The following USP28 variants were observed in gnomAD, a reference collection of about 807,000 sequenced individuals.
The protein encoded by USP28 is ubiquitin carboxyl-terminal hydrolase 28.
USP28 carries 113 observed loss-of-function variants against 145.0 expected under a neutral mutation model. The ratio of observed to expected loss-of-function variants is 0.78; its 90% CI spans 0.67 to 0.91. USP28 has a LOEUF of 0.91. Among genes scored for constraint, USP28 ranks in the 40% least tolerant of loss-of-function variants. USP28 has a pLI of 0.00. For synonymous variants in USP28, 447 were observed against 450.9 expected (o/e 0.99, Z 0.11); for missense variants, 1,201 against 1,289.6 (o/e 0.93, Z 1.05).
chr11:113,857,351 A>T (rs1947169690), intron 1 of USP28, among the ~76,000 whole-genome samples: 1 of 152,170 alleles, frequency 6.6e-6, no homozygotes, highest in African/African-American at 2.4e-5. Flanking sequence ...TGAAACTGTA[A>T]ACATTCCTCC....
At chr11:113,836,716 T>C (rs574028218) in intron 5 of USP28, among the ~76,000 whole-genome samples, 1 of 152,274 alleles carries the variant, frequency 6.6e-6, no homozygotes, top group South Asian at 2.1e-4. Flanking sequence ...CATGGGTCTC[T>C]CCCTGTGCAT....
chr11:113,874,424 A>G (rs544764646), intron 1 of USP28: 448 of 148,602 alleles, frequency 3.0e-3, no homozygotes, highest in East Asian at 7.5e-3. Flanking sequence ...GACTCTGTCG[A>G]AAAAAAAAAA....
At chr11:113,861,123 CAAA>C (rs1166313897) in intron 1 of USP28, among the ~76,000 whole-genome samples, 4 of 88,206 alleles carry the variant, frequency 4.5e-5, no homozygotes, top group Admixed American at 2.6e-4. Context: ...GACTACACCT[CAAA>C]AAAAAAAAAA....
At chr11:113,844,800 T>C (rs1278696270) in intron 3 of USP28, among the ~76,000 whole-genome samples, 4 of 151,980 alleles carry the variant, frequency 2.6e-5, no homozygotes, top group African/African-American at 9.7e-5. Context: ...GCACTGTTGG[T>C]GGGATTTTAA....
chr11:113,852,660 T>C, intron 2 of USP28, 27 bp from the exon 3 acceptor site: 4 of 1,610,442 alleles, frequency 2.5e-6, no homozygotes, highest in African/African-American at 2.7e-5. Flanking sequence ...CAATAGAAAT[T>C]TCAAAAGTAA....
chr11:113,808,726 CA>C (rs1468608448), intron 17 of USP28, among the ~76,000 whole-genome samples: 2 of 152,318 alleles, frequency 1.3e-5, no homozygotes, highest in African/African-American at 4.8e-5. Flanking sequence ...TTTCTACAAA[CA>C]AGCATCTTTT....
At chr11:113,804,217 T>G (rs1939545775) in intron 21 of USP28, among the ~76,000 whole-genome samples, 1 of 152,200 alleles carries the variant, frequency 6.6e-6, no homozygotes, top group Admixed American at 6.5e-5. Context: ...ATCCAGATAT[T>G]GAAAATATGG....
chr11:113,826,128 C>G (rs886801968), intron 11 of USP28, among the ~76,000 whole-genome samples: 1 of 151,416 alleles, frequency 6.6e-6, no homozygotes, highest in Non-Finnish European at 1.5e-5. Flanking sequence ...ACTAAAAATA[C>G]TAAAATTAGC....
At chr11:113,875,520 C>T in exon 1 of USP28, 1 of 1,154,506 alleles carries the variant, frequency 8.7e-7, no homozygotes, top group Non-Finnish European at 1.1e-6. Flanking sequence ...CGCCCAGCCG[C>T]GGGTCACCGG....
chr11:113,831,366 C>T (rs377665592), intron 8 of USP28, among the ~76,000 whole-genome samples: 7 of 152,322 alleles, frequency 4.6e-5, no homozygotes, highest in African/African-American at 1.7e-4. Context: ...TAAAAAGTTT[C>T]TCCTTACAAG....
intron 16 of USP28, among the ~76,000 whole-genome samples, 156 bp from the exon 17 acceptor site, chr11:113,809,410 C>T (rs1029720204): frequency 2.6e-5 from 4 of 152,154 alleles, no homozygotes; most frequent in Non-Finnish European, 4.4e-5. Flanking sequence ...ATCTCTTATC[C>T]AAAATGATTG....
chr11:113,807,321 G>T (rs897583833), intron 18 of USP28, among the ~76,000 whole-genome samples: 4 of 152,048 alleles, frequency 2.6e-5, no homozygotes, highest in Admixed American at 2.6e-4. Flanking sequence ...TGATCCACCC[G>T]CCTTGGCCTC....
In USP28 at chr11:113,867,414, TCAC is replaced by T. The variant is rs963142682; in HGVS notation, c.57+8028_57+8030del. Among the ~76,000 whole-genome samples the T allele has an allele frequency of 1.4e-3, 206 of 152,188 alleles. 1 individual carries two copies. Among genetic ancestry groups the T allele is most frequent in the African/African-American group, 4.7e-3 (197 of 41,540 alleles). On this transcript the variant is annotated intron_variant, in intron 1 of 24. Transcript: ENST00000003302. ...CCCAAGTAGCTGGAATTACAGGTGC[TCAC>T]CACCACATCTGGCTAATTTTTATAT...
At chr11:113,812,928 A>G (rs1941215229) in intron 15 of USP28, among the ~76,000 whole-genome samples, 1 of 152,240 alleles carries the variant, frequency 6.6e-6, no homozygotes, top group Non-Finnish European at 1.5e-5. Flanking sequence ...ACAAAATTTA[A>G]GTTAACATAT....
chr11:113,805,643 G>T (rs1036476047), intron 19 of USP28, among the ~76,000 whole-genome samples: 2 of 152,094 alleles, frequency 1.3e-5, no homozygotes, highest in Admixed American at 1.3e-4. Context: ...GCAGATCCTT[G>T]TGTGTCAATG....
intron 22 of USP28, 123 bp downstream of exon 23, chr11:113,803,675 G>T: frequency 1.4e-6 from 1 of 726,188 alleles, no homozygotes; most frequent in Non-Finnish European, 2.3e-6. Context: ...CAAGAGAAGA[G>T]GCACACTAGT....
intron 12 of USP28, chr11:113,821,272 C>A: frequency 4.5e-6 from 1 of 221,710 alleles, no homozygotes; most frequent in South Asian, 8.4e-5. Flanking sequence ...AGGATGTACT[C>A]GTTATGAAGC....
At position 113,870,228 on chromosome 11, in the gene USP28, T is replaced by C. The variant is rs1948682414; in HGVS notation, c.57+5217A>G. Among the ~76,000 whole-genome samples, 4 of 151,610 alleles carry C rather than the reference T, an allele frequency of 2.6e-5. No individual in the cohort carries two copies. In the South Asian group the frequency reaches 8.3e-4, roughly 32 times the overall value. On this transcript the variant is annotated intron_variant, in intron 1 of 24. Coordinates refer to ENST00000003302, the Ensembl canonical transcript of USP28. ...AATGAGGGATCATAAAAGCATAAAA[T>C]AATAAAAGTATGAGGGGGCCAGGTG... is the stretch of plus-strand genomic sequence containing the variant.
chr11:113,809,383 A>G, intron 16 of USP28, 129 bp from the exon 17 acceptor site: 1 of 890,304 alleles, frequency 1.1e-6, no homozygotes, highest in Non-Finnish European at 1.7e-6. Context: ...AGAATCCATC[A>G]GAAATGCAGG....
Sources: allele counts gnomAD v4.1 joint callset (sites outside exome capture counted in the v4.1 genomes callset), GRCh38; gene constraint gnomAD v4.1.1; transcripts MANE v1.5; gene names NCBI Gene and HGNC (gene_info 2026-07-23, HGNC 2026-07-21).